The following SPRED3 variants were observed in gnomAD, a reference collection of about 807,000 sequenced individuals.
SPRED3 encodes the protein sprouty-related, EVH1 domain-containing protein 3.
In SPRED3, 23 loss-of-function variants were observed where a neutral mutation model predicts 37.6. The observed-to-expected ratio is 0.61, with a 90% CI of 0.44 to 0.87. The LOEUF (loss-of-function observed/expected upper bound fraction) is 0.87. SPRED3 is among the 40% of genes least tolerant of loss of function. The pLI is 0.00. For synonymous variants in SPRED3, 302 were observed against 279.6 expected (o/e 1.08, Z -0.80); for missense variants, 584 against 618.6 (o/e 0.94, Z 0.59).
At chr19:38,394,578 G>A (rs1032223671) in intron 4 of SPRED3, 65 bp from the exon 5 acceptor site, 29 of 1,551,868 alleles carry the variant, frequency 1.9e-5, no homozygotes, top group Non-Finnish European at 2.5e-5. Context: ...ATGGGAGGGG[G>A]TCTATGTGAG....
chr19:38,392,329 G>T (rs1352175461), intron 4 of SPRED3, 41 bp downstream of exon 4: 1 of 1,466,990 alleles, frequency 6.8e-7, no homozygotes, highest in African/African-American at 1.4e-5. Flanking sequence ...GAGGGTAGGG[G>T]TTTTGTTTTT....
Position 38,394,680 on chromosome 19 carries a change from G to T in SPRED3, c.461G>T (p.Arg154Leu). Reference protein sequence around the residue: ...VDSDSSSSHSRQETPPSAAAA... With the variant: ...VDSDSSSSHSLQETPPSAAAA... ...AGCGACTCCTCCTCCAGTCACAGCC[G>T]CCAGGAGACTCCTCCCAGCGCCGCT... The change falls in exon 5 of 6, where the codon CGC becomes CTC. Residue 154 changes from arginine (R) to leucine (L), a missense_variant. Coordinates refer to ENST00000691638, the MANE Select transcript of SPRED3 (RefSeq NM_001394336.1). The T allele has an allele frequency of 2.5e-6, 4 of 1,598,852 alleles. No individual in the cohort carries two copies. Among genetic ancestry groups the T allele is most frequent in the South Asian group, 2.2e-5 (2 of 89,210 alleles).
chr19:38,396,169 C>T lies in SPRED3; in HGVS notation c.*24C>T. ...GAGGACGGCCTGGTGGGTCCCCTAG[C>T]CGGCCCGAGGACCCAAAATTGAGGG... On this transcript the variant is annotated 3_prime_UTR_variant, in exon 6 of 6. Transcript: ENST00000691638. 8.0e-7 allele frequency: 1 copy of T among 1,253,478 alleles called. No individual in the cohort carries two copies. The highest frequency in any genetic ancestry group is 1.0e-6 in the Non-Finnish European group (1 of 999,800). 77.6% of individuals were successfully genotyped at this position (1,253,478 alleles called of 1,614,324 possible). A position where few individuals can be genotyped will look rare whatever the true frequency, so the allele number is the denominator to read the frequency against.
chr19:38,390,133 CG>C, intron 1 of SPRED3, 165 bp from the exon 2 acceptor site: 4 of 476,954 alleles, frequency 8.4e-6, no homozygotes, highest in Non-Finnish European at 1.4e-5. Context: ...GTGTGGAAGA[CG>C]GTGGCCATGG....
intron 4 of SPRED3, chr19:38,394,306 C>G: frequency 6.9e-7 from 1 of 1,442,716 alleles, no homozygotes; most frequent in Non-Finnish European, 9.3e-7. Context: ...TCAGGTTTGG[C>G]GAGCTGATTA....
chr19:38,391,797 G>C, intron 2 of SPRED3, 149 bp from the exon 3 acceptor site: 1 of 887,908 alleles, frequency 1.1e-6, no homozygotes, highest in Non-Finnish European at 1.8e-6. Context: ...AGTCGTATCA[G>C]TGTTGATCAG....
chr19:38,392,459 C>T (rs1035611754), intron 4 of SPRED3, 171 bp downstream of exon 4: 4 of 731,682 alleles, frequency 5.5e-6, no homozygotes, highest in Non-Finnish European at 8.3e-6. Context: ...GTCTTTCTGC[C>T]CTGTCATGAT....
Position 38,392,284 on chromosome 19 carries a change from T to C in SPRED3, c.419T>C (p.Leu140Pro). ...SQDTAETPCP[L>P]TSHVDSDSSS... is the part of the protein sequence containing the mutation. ...GATACTGCAGAGACCCCCTGCCCTCTGACGGTGAGTGTCCAGGATGCCTCT... is the reference window on the plus strand; with the variant it reads ...GATACTGCAGAGACCCCCTGCCCTCCGACGGTGAGTGTCCAGGATGCCTCT... The change falls in exon 4 of 6, where the codon CTG becomes CCG. Residue 140 changes from leucine (L) to proline (P), a missense_variant. Leu to Pro is a moderately conservative substitution (Grantham distance 98, BLOSUM62 -3). Around this residue, in one of 7 missense-constraint regions of SPRED3, gnomAD observed 310 missense variants for 281.1 expected, o/e 1.10. Coordinates refer to ENST00000691638, the MANE Select transcript of SPRED3 (RefSeq NM_001394336.1). 1 of 1,554,530 alleles carries C rather than the reference T, an allele frequency of 6.4e-7. No individual in the cohort carries two copies. Among genetic ancestry groups the C allele is most frequent in the Non-Finnish European group, 8.7e-7 (1 of 1,151,602 alleles).
chr19:38,396,914 T>C lies in SPRED3; in HGVS notation c.*769T>C, dbSNP rs1285482826. 5 of 152,072 alleles carry C rather than the reference T, an allele frequency of 3.3e-5. No individual in the cohort carries two copies. Among genetic ancestry groups the C allele is most frequent in the Non-Finnish European group, 7.4e-5 (5 of 68,002 alleles). The allele number at this position is 152,072 out of a possible 1,614,324, so 9.4% of individuals were successfully genotyped here. A position where few individuals can be genotyped will look rare whatever the true frequency, so the allele number is the denominator to read the frequency against. On this transcript the variant is annotated 3_prime_UTR_variant, in exon 6 of 6. Transcript: ENST00000691638. ...TTAAGATGCACTGAGTGCTCGGATA[T>C]ACTGAAACACGAGCTGTTCTCTTAC...
chr19:38,394,285 T>G, intron 4 of SPRED3: 1 of 1,409,726 alleles, frequency 7.1e-7, no homozygotes, highest in Non-Finnish European at 9.5e-7. Context: ...GGGAAGACGA[T>G]TAGATGTTCC....
rs1458603640 is a variant in SPRED3 at position 38,396,885 on chromosome 19, ACT to A, written c.*743_*744del. ...ACTCCCAGACACCCTGGGACCCCAG[ACT>A]CTTAAGATGCACTGAGTGCTCGGAT... is the stretch of plus-strand genomic sequence containing the variant. On this transcript the variant is annotated 3_prime_UTR_variant, in exon 6 of 6. Transcript: ENST00000691638. 6.6e-6 allele frequency: 1 copy of A among 152,008 alleles called. No individual in the cohort carries two copies. The highest frequency in any genetic ancestry group is 1.5e-5 in the Non-Finnish European group (1 of 67,978). The allele number at this position is 152,008 out of a possible 1,614,324, so 9.4% of individuals were successfully genotyped here.
rs1351302155 is a variant in SPRED3 at position 38,395,573 on chromosome 19, G to T, written c.661G>T (p.Glu221Ter). ...CCTGGGGTGGGGCGGCCGCGGCTAC[G>T]AGGATTACCGGCGCTCCGGGCCACC... The part of the protein sequence containing the change: ...GGLGWGGRGY[E>*]DYRRSGPPAP... The change falls in exon 6 of 6, where the codon GAG (glutamate) becomes TAG (stop). Residue 221 changes from glutamate (E) to a stop codon, truncating the protein, a stop_gained. Coordinates refer to ENST00000691638, the MANE Select transcript of SPRED3 (RefSeq NM_001394336.1). LOFTEE classifies it high-confidence loss of function. The surrounding 1 kb of genome is among the most constrained non-coding windows in gnomAD (Gnocchi z 5.2). 1 of 1,554,834 alleles carries T rather than the reference G, an allele frequency of 6.4e-7. No individual in the cohort carries two copies. Among genetic ancestry groups the T allele is most frequent in the Non-Finnish European group, 8.7e-7 (1 of 1,153,742 alleles).
At chr19:38,392,442 T>C in intron 4 of SPRED3, 154 bp downstream of exon 4, 1 of 814,358 alleles carries the variant, frequency 1.2e-6, no homozygotes, top group South Asian at 2.5e-5. Flanking sequence ...CAATCCCAGT[T>C]ATTCTAGTCT....
chr19:38,394,889 AG>A, intron 5 of SPRED3, 103 bp downstream of exon 5: 1 of 1,385,166 alleles, frequency 7.2e-7, no homozygotes. Context: ...CACAGATTCC[AG>A]GGGATGGCTG....
Position 38,396,305 on chromosome 19 carries a change from C to G in SPRED3, c.*160C>G. ...CAGACCTGGAACCTGGAACCCAAAC[C>G]TAGGACTGAGAGACCCCAGCCCCAG... On this transcript the variant is annotated 3_prime_UTR_variant, in exon 6 of 6. Transcript: ENST00000691638. 2.1e-6 allele frequency: 1 copy of G among 485,348 alleles called. No individual in the cohort carries two copies. Among genetic ancestry groups the G allele is most frequent in the Non-Finnish European group, 3.2e-6 (1 of 316,982 alleles). The allele number at this position is 485,348 out of a possible 1,614,324, so 30.1% of individuals were successfully genotyped here.
Position 38,395,491 on chromosome 19 carries a change from G to C in SPRED3, c.579G>C (p.Pro193=). ...CCTTCGTTCCGCAGAGCTACCCTCC[G>C]CTTCTACCGTTCACGGGGATTCCGG... The part of the protein sequence containing the change: ...RRRSSAQSYP[P]LLPFTGIPEP... Residue 193 remains proline (P), a synonymous_variant, in exon 6 of 6, where the codon CCG becomes CCC. Transcript: ENST00000691638. The surrounding 1 kb of genome is among the most constrained non-coding windows in gnomAD (Gnocchi z 5.2). The C allele has an allele frequency of 6.7e-7, 1 of 1,500,746 alleles. No individual in the cohort carries two copies. The highest frequency in any genetic ancestry group is 1.8e-4 in the Middle Eastern group (1 of 5,686). The allele number at this position is 1,500,746 out of a possible 1,614,324, so 93.0% of individuals were successfully genotyped here. A position where few individuals can be genotyped will look rare whatever the true frequency, so the allele number is the denominator to read the frequency against.
At chr19:38,394,166 A>T (rs1970864543) in intron 4 of SPRED3, among the ~76,000 whole-genome samples, 1 of 152,212 alleles carries the variant, frequency 6.6e-6, no homozygotes, top group Non-Finnish European at 1.5e-5. Context: ...GCTGGTTTGC[A>T]TGGGAAGGGG....
chr19:38,394,785 A>C lies in SPRED3; in HGVS notation c.566A>C (p.Gln189Pro). The C allele has an allele frequency of 6.4e-7, 1 of 1,559,880 alleles. No individual in the cohort carries two copies. ...TPPQRRRSSA[Q>P]SYPPLLPFTG... ...CCCCAGCGCCGCCGCTCCTCCGCTC[A>C]GGTGCGACCTGGGAGCCTGGGGCTC... is the stretch of plus-strand genomic sequence containing the variant. The change falls in exon 5 of 6, where the codon CAG becomes CCG. Residue 189 changes from glutamine (Q) to proline (P), a missense_variant and splice_region_variant. Transcript: ENST00000691638.
intron 4 of SPRED3, among the ~76,000 whole-genome samples, chr19:38,393,342 A>ATTT (rs1970855279): frequency 7.5e-6 from 1 of 133,360 alleles, no homozygotes; most frequent in Non-Finnish European, 1.6e-5. Flanking sequence ...AAATACTATT[A>ATTT]TCTTTTTTTT....
Sources: allele counts gnomAD v4.1 joint callset (sites outside exome capture counted in the v4.1 genomes callset), GRCh38; gene constraint gnomAD v4.1.1; regional missense constraint gnomAD v4.1.1; non-coding constraint Gnocchi (gnomAD v3.1); transcripts MANE v1.5; gene names NCBI Gene and HGNC (gene_info 2026-07-23, HGNC 2026-07-21).